The following DLGAP2 variants were observed in gnomAD, a reference collection of about 807,000 sequenced individuals.
DLGAP2 encodes disks large-associated protein 2.
Under a neutral mutation model 100.3 loss-of-function variants are expected in DLGAP2, and 26 were observed. The observed-to-expected ratio is 0.26, with a 90% confidence interval of 0.19 to 0.36. The LOEUF is 0.36. Ranked by LOEUF, DLGAP2 falls within the 10% of genes least tolerant of loss-of-function variation. The pLI, the probability that DLGAP2 is intolerant of heterozygous loss-of-function variation, is 1.00. For missense variants in DLGAP2, 1,858 were observed against 1,453.2 expected (o/e 1.28, Z -4.53); for synonymous variants, 886 against 630.1 (o/e 1.41, Z -6.08).
chr8:1,604,481 G>C (rs1185419787), intron 6 of DLGAP2: 1 of 152,164 alleles, frequency 6.6e-6, no homozygotes, highest in African/African-American at 2.4e-5. Context: ...ATTTGGGGCT[G>C]ACCTCACCCT....
At chr8:1,499,186 C>G (rs540400286) in intron 3 of DLGAP2, among the ~76,000 whole-genome samples, 2 of 152,268 alleles carry the variant, frequency 1.3e-5, no homozygotes, top group Non-Finnish European at 2.9e-5. Context: ...CGATACCAAG[C>G]TTGTGCTCTG....
At chr8:1,341,035 G>A (rs1262854833) in intron 3 of DLGAP2, among the ~76,000 whole-genome samples, 2 of 152,108 alleles carry the variant, frequency 1.3e-5, no homozygotes, top group East Asian at 3.9e-4. Context: ...TAAATGATGA[G>A]AACTCACGGA....
intron 6 of DLGAP2, 64 bp downstream of exon 6, chr8:1,565,958 A>G: frequency 1.4e-6 from 2 of 1,420,938 alleles, no homozygotes; most frequent in Non-Finnish European, 1.9e-6. Flanking sequence ...CTCCCTCTCC[A>G]AAACCACTTC....
intron 1 of DLGAP2, among the ~76,000 whole-genome samples, chr8:789,193 A>G (rs1460962237): frequency 2.0e-5 from 3 of 152,204 alleles, no homozygotes; most frequent in African/African-American, 4.8e-5. Flanking sequence ...CTCTGCTATA[A>G]AGAAATAGGT....
Position 1,316,184 on chromosome 8 carries a change from G to A in DLGAP2, c.106+57301G>A, listed in dbSNP as rs537662460. On this transcript the variant is annotated intron_variant, in intron 3 of 14. Transcript: ENST00000637795. ...GTCTACACTCGAGAAACTCAGCAGCGTTTAAAAATAGAGCCTGTACGAGTG... is the reference window on the plus strand; with the variant it reads ...GTCTACACTCGAGAAACTCAGCAGCATTTAAAAATAGAGCCTGTACGAGTG... Among the ~76,000 whole-genome samples, 24 of 93,486 alleles carry A rather than the reference G, an allele frequency of 2.6e-4. 1 individual carries two copies. The highest frequency in any genetic ancestry group is 6.8e-4 in the African/African-American group (17 of 24,888). 61.3% of individuals were successfully genotyped at this position (93,486 alleles called of 152,430 possible).
At chr8:1,437,688 C>T (rs1370577496) in intron 3 of DLGAP2, among the ~76,000 whole-genome samples, 1 of 151,748 alleles carries the variant, frequency 6.6e-6, no homozygotes, top group East Asian at 1.9e-4. Flanking sequence ...AAATAAATAT[C>T]ACCGGCCGGT....
chr8:1,170,344 C>CT (rs1180391274), intron 2 of DLGAP2, among the ~76,000 whole-genome samples: 1 of 151,870 alleles, frequency 6.6e-6, no homozygotes, highest in Non-Finnish European at 1.5e-5. Context: ...CTAAAATTCT[C>CT]TTTTTTGGTT....
At chr8:1,201,946 A>G (rs1381995681) in intron 2 of DLGAP2, among the ~76,000 whole-genome samples, 1 of 144,056 alleles carries the variant, frequency 6.9e-6, no homozygotes, top group Non-Finnish European at 1.5e-5. Context: ...TGATGTGTGT[A>G]TGTGTACACA....
chr8:1,087,132 TAAAC>T (rs904146330), intron 2 of DLGAP2, among the ~76,000 whole-genome samples: 4 of 152,140 alleles, frequency 2.6e-5, no homozygotes, highest in Non-Finnish European at 5.9e-5. Context: ...ATAAAAAAGT[TAAAC>T]AATGTGCAGA....
chr8:849,246 G>A (rs1797134952), intron 1 of DLGAP2, among the ~76,000 whole-genome samples: 2 of 152,210 alleles, frequency 1.3e-5, no homozygotes, highest in Middle Eastern at 3.2e-3. Flanking sequence ...ATAGGATCGC[G>A]TGGTGCACGT....
chr8:876,472 CT>C (rs1418100144), intron 1 of DLGAP2, among the ~76,000 whole-genome samples: 2 of 152,124 alleles, frequency 1.3e-5, no homozygotes, highest in Admixed American at 1.3e-4. Flanking sequence ...CTTTTCTGGC[CT>C]CTACTGTTTC....
At chr8:1,267,554 C>T (rs60293067) in intron 3 of DLGAP2, among the ~76,000 whole-genome samples, 85,600 of 127,356 alleles carry the variant, frequency 0.67, 29,209 homozygotes, top group African/African-American at 0.75. Flanking sequence ...GCAAAATTCC[C>T]GCTCAAAATA....
At chr8:891,619 G>A (rs1798037162) in intron 1 of DLGAP2, 1 of 152,492 alleles carries the variant, frequency 6.6e-6, no homozygotes, top group Admixed American at 6.5e-5. Context: ...GATTCAGAAG[G>A]TGGCTGGTTC....
At chr8:1,668,269 T>C in intron 8 of DLGAP2, 60 bp from the exon 9 acceptor site, 1 of 1,413,862 alleles carries the variant, frequency 7.1e-7, no homozygotes, top group Non-Finnish European at 9.4e-7. Context: ...GGGGAAACAG[T>C]AGACCACAGG....
intron 1 of DLGAP2, among the ~76,000 whole-genome samples, chr8:760,773 A>G (rs770988454): frequency 2.0e-5 from 3 of 152,166 alleles, no homozygotes; most frequent in Non-Finnish European, 2.9e-5. Context: ...AGTTGCACGC[A>G]TGCACCTGCT....
rs906999455 is a variant in DLGAP2 at position 1,337,287 on chromosome 8, C to T, written c.106+78404C>T. ...ATGATGAGGATGATGGTGGTGGTGG[C>T]GATGGTGATGATGAGGATGATGTGA... is the stretch of plus-strand genomic sequence containing the variant. On this transcript the variant is annotated intron_variant, in intron 3 of 14. Transcript: ENST00000637795. 3.5e-3 allele frequency among the ~76,000 whole-genome samples: 175 copies of T among 50,242 alleles called. 1 individual carries two copies. Among genetic ancestry groups the T allele is most frequent in the African/African-American group, 5.3e-3 (54 of 10,202 alleles). The allele number at this position is 50,242 out of a possible 152,430, so 33.0% of individuals were successfully genotyped here.
intron 1 of DLGAP2, among the ~76,000 whole-genome samples, chr8:890,605 C>G (rs1006669829): frequency 6.6e-6 from 1 of 151,992 alleles, no homozygotes; most frequent in Non-Finnish European, 1.5e-5. Flanking sequence ...TTCCTCCTTG[C>G]GCTTTCTTGA....
chr8:1,150,079 TCTTCA>T (rs984297543), intron 2 of DLGAP2, among the ~76,000 whole-genome samples: 10 of 152,256 alleles, frequency 6.6e-5, no homozygotes, highest in African/African-American at 2.4e-4. Context: ...GCTCTTCATT[TCTTCA>T]CTTATTTCCT....
chr8:819,322 C>G (rs543237869), intron 1 of DLGAP2, among the ~76,000 whole-genome samples: 1 of 152,088 alleles, frequency 6.6e-6, no homozygotes, highest in African/African-American at 2.4e-5. Context: ...ACATAGCAGC[C>G]ATCTGTGATA....
Sources: gnomAD v4.1 joint callset for allele counts (sites outside exome capture counted in the v4.1 genomes callset) on GRCh38, gnomAD v4.1.1 for gene constraint, MANE v1.5 for transcripts, NCBI Gene and HGNC (gene_info 2026-07-23, HGNC 2026-07-21) for gene names.